ZBTB38: variants seen among roughly 807,000 people sequenced by gnomAD.
ZBTB38 encodes the protein zinc finger and BTB domain-containing protein 38.
In ZBTB38, 20 loss-of-function variants were observed where a neutral mutation model predicts 76.8. The ratio of observed to expected loss-of-function variants is 0.26; its 90% CI spans 0.18 to 0.38. The LOEUF is 0.38. Among genes scored for constraint, ZBTB38 ranks in the 10% least tolerant of loss-of-function variants. The pLI, the probability that ZBTB38 is intolerant of heterozygous loss-of-function variation, is 1.00. For missense variants in ZBTB38, 1,082 were observed against 1,482.3 expected (o/e 0.73, Z 4.43); for synonymous variants, 504 against 544.2 (o/e 0.93, Z 1.03).
chr3:141,407,701 A>ATG (rs1170564243), intron 5 of ZBTB38, among the ~76,000 whole-genome samples: 2 of 152,262 alleles, frequency 1.3e-5, no homozygotes, highest in Admixed American at 1.3e-4. Context: ...TCTGCATTTT[A>ATG]AACAGCACTG....
intron 5 of ZBTB38, among the ~76,000 whole-genome samples, chr3:141,435,480 C>T (rs961694672): frequency 2.6e-5 from 4 of 151,862 alleles, no homozygotes; most frequent in Admixed American, 6.6e-5. Flanking sequence ...TACTTTAGGC[C>T]GGGCACGGTG....
intron 5 of ZBTB38, among the ~76,000 whole-genome samples, chr3:141,435,784 A>G (rs2078648047): frequency 6.6e-6 from 1 of 152,050 alleles, no homozygotes. Context: ...TAAAATAAAA[A>G]TATATTTTAA....
At chr3:141,423,880 A>T (rs1000109564) in intron 5 of ZBTB38, among the ~76,000 whole-genome samples, 5 of 152,224 alleles carry the variant, frequency 3.3e-5, no homozygotes, top group Non-Finnish European at 5.9e-5. Flanking sequence ...AACCAAACTG[A>T]TATGTTATTA....
At chr3:141,327,505 C>T (rs1942710096) in intron 1 of ZBTB38, among the ~76,000 whole-genome samples, 1 of 152,222 alleles carries the variant, frequency 6.6e-6, no homozygotes, top group South Asian at 2.1e-4. Flanking sequence ...TTGACCAGCA[C>T]TTCTCAAAAC....
Position 141,442,819 on chromosome 3 carries a change from T to C in ZBTB38, c.431T>C (p.Val144Ala), listed in dbSNP as rs2080535016. ...TTCTGTATTACTGAAAAGGGAGTGG[T>C]TAAAGAAGAAAAAAATGAAAAAAGG... ...YVFCITEKGVVKEEKNEKRHE... is the reference protein window; with the variant it reads ...YVFCITEKGVAKEEKNEKRHE... Residue 144 changes from valine (V) to alanine (A), a missense_variant, in exon 6 of 6, where the codon GTT (valine) becomes GCT (alanine). Around this residue, in one of 8 missense-constraint regions of ZBTB38, gnomAD observed 34 missense variants for 40.4 expected, o/e 0.84. Transcript: ENST00000321464. The surrounding 1 kb of genome is among the most constrained non-coding windows in gnomAD (Gnocchi z 6.4). 6.2e-7 allele frequency: 1 copy of C among 1,614,010 alleles called. No individual in the cohort carries two copies. Among genetic ancestry groups the C allele is most frequent in the Non-Finnish European group, 8.5e-7 (1 of 1,180,008 alleles).
intron 3 of ZBTB38, chr3:141,386,415 G>A (rs917591295): frequency 2.0e-5 from 3 of 152,186 alleles, no homozygotes; most frequent in African/African-American, 7.2e-5. Flanking sequence ...ACTGCTTGTG[G>A]TTAAAGGTTA....
intron 3 of ZBTB38, chr3:141,383,757 C>T (rs1394613114): frequency 1.3e-5 from 2 of 152,194 alleles, no homozygotes; most frequent in African/African-American, 2.4e-5. Context: ...CGTCTAGCTC[C>T]GTCCTTCTCC....
At chr3:141,331,487 T>C (rs1392013493) in intron 1 of ZBTB38, among the ~76,000 whole-genome samples, 1 of 152,252 alleles carries the variant, frequency 6.6e-6, no homozygotes, top group African/African-American at 2.4e-5. Flanking sequence ...CTTTCACCTG[T>C]ACAGCACTGA....
At chr3:141,431,341 A>AAAAAAAATATATATAT in intron 5 of ZBTB38, among the ~76,000 whole-genome samples, 1 of 103,296 alleles carries the variant, frequency 9.7e-6, no homozygotes, top group African/African-American at 6.0e-5. Context: ...AAAAAAAAAA[A>AAAAAAAATATATATAT]ATATATATAT....
At chr3:141,381,806 T>G (rs1204613331) in intron 3 of ZBTB38, among the ~76,000 whole-genome samples, 1 of 152,184 alleles carries the variant, frequency 6.6e-6, no homozygotes, top group Non-Finnish European at 1.5e-5. Flanking sequence ...CTTGGCCTAC[T>G]TGACCTAGAA....
chr3:141,375,047 G>A (rs761767517), intron 2 of ZBTB38, among the ~76,000 whole-genome samples: 1 of 152,106 alleles, frequency 6.6e-6, no homozygotes, highest in Non-Finnish European at 1.5e-5. Context: ...TTGACATGCT[G>A]CATTCAGTTC....
chr3:141,401,099 A>C (rs911496887), intron 4 of ZBTB38, among the ~76,000 whole-genome samples: 3 of 152,210 alleles, frequency 2.0e-5, no homozygotes, highest in Non-Finnish European at 4.4e-5. Flanking sequence ...ATAGATCACA[A>C]ATTTTTTAGG....
At position 141,443,174 on chromosome 3, in the gene ZBTB38, A is replaced by C. The variant is rs1327992958; in HGVS notation, c.786A>C (p.Thr262=). 3.1e-6 allele frequency: 5 copies of C among 1,614,132 alleles called. No individual in the cohort carries two copies. Among genetic ancestry groups the C allele is most frequent in the Admixed American group, 3.3e-5 (2 of 60,014 alleles). Residue 262 remains threonine, a synonymous_variant, in exon 6 of 6, where the codon ACA becomes ACC. Coordinates refer to ENST00000321464, the MANE Select transcript of ZBTB38 (RefSeq NM_001376113.1). The surrounding 1 kb of genome is among the most constrained non-coding windows in gnomAD (Gnocchi z 5.6). ...NCEALAAKPK[T]CRKPKTFSIP... Reference sequence around the variant, plus strand: ...AAGCCCTTGCAGCGAAACCGAAAACATGCCGGAAGCCAAAGACATTCTCCA... The same window carrying C: ...AAGCCCTTGCAGCGAAACCGAAAACCTGCCGGAAGCCAAAGACATTCTCCA...
chr3:141,366,697 CTG>C (rs1009267534), upstream of ZBTB38: 1 of 152,168 alleles, frequency 6.6e-6, no homozygotes, highest in African/African-American at 2.4e-5. Flanking sequence ...AGAGTGGTCT[CTG>C]TGACCTGACA....
At chr3:141,410,728 GA>G (rs1224977746) in intron 5 of ZBTB38, among the ~76,000 whole-genome samples, 3 of 152,208 alleles carry the variant, frequency 2.0e-5, no homozygotes, top group Non-Finnish European at 4.4e-5. Flanking sequence ...GGGAGAGACA[GA>G]AGGCTGTTTT....
At chr3:141,412,223 G>A (rs1364992313) in intron 5 of ZBTB38, among the ~76,000 whole-genome samples, 1 of 152,072 alleles carries the variant, frequency 6.6e-6, no homozygotes, top group African/African-American at 2.4e-5. Context: ...TTATGTTACT[G>A]GTCGGGAAGA....
At chr3:141,411,112 T>A (rs1179513677) in intron 5 of ZBTB38, among the ~76,000 whole-genome samples, 2 of 152,160 alleles carry the variant, frequency 1.3e-5, no homozygotes, top group African/African-American at 2.4e-5. Flanking sequence ...GTTTGTAGAG[T>A]TGATGACAAT....
At chr3:141,404,488 T>C (rs1397413875) in intron 5 of ZBTB38, among the ~76,000 whole-genome samples, 2 of 152,126 alleles carry the variant, frequency 1.3e-5, no homozygotes, top group African/African-American at 4.8e-5. Flanking sequence ...GCACCGAGTA[T>C]ACAAATGTGA....
At chr3:141,409,902 G>A (rs894190664) in intron 5 of ZBTB38, among the ~76,000 whole-genome samples, 1 of 152,220 alleles carries the variant, frequency 6.6e-6, no homozygotes, top group Non-Finnish European at 1.5e-5. Flanking sequence ...CTCTACAGGG[G>A]GCTAGGAAAA....
Sources: allele counts gnomAD v4.1 joint callset (sites outside exome capture counted in the v4.1 genomes callset), GRCh38; gene constraint gnomAD v4.1.1; regional missense constraint gnomAD v4.1.1; non-coding constraint Gnocchi (gnomAD v3.1); transcripts MANE v1.5; gene names NCBI Gene and HGNC (gene_info 2026-07-23, HGNC 2026-07-21).